Variants in ASTN2 observed in about 807,000 individuals in gnomAD.
ASTN2 encodes astrotactin 2.
Under a neutral mutation model 139.8 loss-of-function variants are expected in ASTN2, and 54 were observed. The ratio of observed to expected loss-of-function variants is 0.39; its 90% CI spans 0.31 to 0.48. The LOEUF (loss-of-function observed/expected upper bound fraction) is 0.48. Among genes scored for constraint, ASTN2 ranks in the 20% least tolerant of loss-of-function variants. ASTN2 has a pLI of 0.95. For synonymous variants in ASTN2, 756 were observed against 719.5 expected (o/e 1.05, Z -0.81); for missense variants, 1,565 against 1,725.1 (o/e 0.91, Z 1.64).
At chr9:116,823,142 G>A (rs1369470541) in intron 11 of ASTN2, among the ~76,000 whole-genome samples, 1 of 152,272 alleles carries the variant, frequency 6.6e-6, no homozygotes, top group African/African-American at 2.4e-5. Flanking sequence ...TCCAGCACTA[G>A]GAGAGAATAA....
chr9:116,478,461 C>T (rs1031264285), intron 20 of ASTN2, among the ~76,000 whole-genome samples: 3 of 152,134 alleles, frequency 2.0e-5, no homozygotes, highest in African/African-American at 7.2e-5. Context: ...CAGCTCAGGC[C>T]TCTGGTCAGC....
chr9:116,513,253 C>T (rs1253316647), intron 19 of ASTN2, among the ~76,000 whole-genome samples: 8 of 152,222 alleles, frequency 5.3e-5, no homozygotes, highest in Non-Finnish European at 8.8e-5. Flanking sequence ...TTCTCCTTCA[C>T]TTATGAAGCT....
At chr9:117,152,675 A>G (rs1267732239) in intron 3 of ASTN2, among the ~76,000 whole-genome samples, 1 of 152,136 alleles carries the variant, frequency 6.6e-6, no homozygotes, top group Non-Finnish European at 1.5e-5. Context: ...TGCCAGAAAA[A>G]ATTGTTTTTC....
chr9:116,780,843 C>A (rs910073038), intron 13 of ASTN2, among the ~76,000 whole-genome samples: 3 of 144,800 alleles, frequency 2.1e-5, no homozygotes, highest in Non-Finnish European at 4.5e-5. Context: ...ATGTCAAATT[C>A]TTTTTTTTTT....
intron 16 of ASTN2, among the ~76,000 whole-genome samples, chr9:116,670,607 T>G (rs1056331207): frequency 6.6e-6 from 1 of 152,172 alleles, no homozygotes. Flanking sequence ...CCAGGCAGTC[T>G]TACAGATGTC....
chr9:116,770,556 TCTTTCTCTATA>T lies in ASTN2; in HGVS notation c.2396+35065_2396+35075del, dbSNP rs544117459. 1.6e-4 allele frequency among the ~76,000 whole-genome samples: 24 copies of T among 152,284 alleles called. No individual in the cohort carries two copies. The East Asian group carries it at 2.3e-3, about 15-fold the overall frequency. ...GCCTGTCTGACTCCAGATCCCTGGCTCTTTCTCTATACCTTGTCACAACCTTTGAGGCTTGA... is the reference window on the plus strand; with the variant it reads ...GCCTGTCTGACTCCAGATCCCTGGCTCCTTGTCACAACCTTTGAGGCTTGA... On this transcript the variant is annotated intron_variant, in intron 13 of 22. Coordinates refer to ENST00000313400, the MANE Select transcript of ASTN2 (RefSeq NM_001365068.1).
At chr9:116,627,837 TTC>T (rs72182615) in intron 17 of ASTN2, among the ~76,000 whole-genome samples, 21,710 of 152,188 alleles carry the variant, frequency 0.14, 1,634 homozygotes, top group Middle Eastern at 0.21. Flanking sequence ...CTGTTCTAGG[TTC>T]TTTTTATGTA....
At chr9:117,246,308 T>C (rs933538405) in intron 2 of ASTN2, among the ~76,000 whole-genome samples, 2 of 152,148 alleles carry the variant, frequency 1.3e-5, no homozygotes, top group African/African-American at 2.4e-5. Context: ...CCTTCCCTCA[T>C]TTGTTGTAAT....
In ASTN2 at chr9:117,120,018, G is replaced by GTATATATATATATA. The variant is rs200361826; in HGVS notation, c.1168+21294_1168+21307dup. On this transcript the variant is annotated intron_variant, in intron 4 of 22. Transcript: ENST00000313400. Reference sequence around the variant, plus strand: ...TGTGTGTGTGTGTGTGTGTGTGTGTGTATATATATATATATATATATATAT... The same window carrying GTATATATATATATA: ...TGTGTGTGTGTGTGTGTGTGTGTGTGTATATATATATATATATATATATATATATATATATATAT... 9.8e-3 allele frequency among the ~76,000 whole-genome samples: 452 copies of GTATATATATATATA among 45,890 alleles called. 14 individuals carry two copies. Among genetic ancestry groups the GTATATATATATATA allele is most frequent in the Admixed American group, 0.027 (89 of 3,306 alleles). The allele number at this position is 45,890 out of a possible 152,430, so 30.1% of individuals were successfully genotyped here.
At chr9:117,356,291 A>G (rs778906501) in intron 1 of ASTN2, among the ~76,000 whole-genome samples, 3 of 152,222 alleles carry the variant, frequency 2.0e-5, no homozygotes, top group Non-Finnish European at 2.9e-5. Flanking sequence ...TTCCAGGGAG[A>G]TAAATATGCA....
chr9:116,668,513 T>C (rs765088382), intron 16 of ASTN2, among the ~76,000 whole-genome samples: 49 of 152,328 alleles, frequency 3.2e-4, no homozygotes, highest in Middle Eastern at 3.4e-3. Flanking sequence ...CTTACTAATA[T>C]GCATTTAAGC....
intron 16 of ASTN2, among the ~76,000 whole-genome samples, chr9:116,661,368 A>C (rs1356317753): frequency 1.3e-5 from 2 of 152,226 alleles, no homozygotes; most frequent in Non-Finnish European, 2.9e-5. Flanking sequence ...GGGAAACAGT[A>C]AAAGCTAGCT....
chr9:116,969,704 T>C (rs1227244742), intron 10 of ASTN2, among the ~76,000 whole-genome samples: 1 of 152,194 alleles, frequency 6.6e-6, no homozygotes, highest in Non-Finnish European at 1.5e-5. Context: ...TGTTTTCTAC[T>C]TAAGACTAAG....
chr9:116,507,200 A>C (rs1271079495), intron 19 of ASTN2, among the ~76,000 whole-genome samples: 1 of 152,222 alleles, frequency 6.6e-6, no homozygotes, highest in East Asian at 1.9e-4. Flanking sequence ...AATAGTGAGC[A>C]ACAGTTTTGA....
intron 3 of ASTN2, among the ~76,000 whole-genome samples, chr9:117,161,503 C>T (rs1441903043): frequency 6.6e-6 from 1 of 152,050 alleles, no homozygotes; most frequent in East Asian, 1.9e-4. Flanking sequence ...AAGCAATTCT[C>T]CTGCCTCAGC....
intron 12 of ASTN2, among the ~76,000 whole-genome samples, chr9:116,818,483 C>G (rs1302613873): frequency 6.6e-6 from 1 of 152,062 alleles, no homozygotes; most frequent in African/African-American, 2.4e-5. Context: ...TTTTAGGATG[C>G]CTGGGTTTTG....
intron 19 of ASTN2, among the ~76,000 whole-genome samples, chr9:116,567,172 C>T (rs925156114): frequency 1.3e-5 from 2 of 152,216 alleles, no homozygotes; most frequent in African/African-American, 4.8e-5. Context: ...AGTGCCGATT[C>T]ATAGCACTGG....
intron 2 of ASTN2, among the ~76,000 whole-genome samples, chr9:117,234,922 T>C (rs1833000868): frequency 6.6e-6 from 1 of 152,222 alleles, no homozygotes; most frequent in Non-Finnish European, 1.5e-5. Context: ...AATCGGTGTC[T>C]GCTGTTTTAG....
chr9:116,790,970 A>AAGAAAGAAG (rs1830521487), intron 13 of ASTN2, among the ~76,000 whole-genome samples: 588 of 26,018 alleles, frequency 0.023, 2 homozygotes, highest in Middle Eastern at 0.042. Flanking sequence ...AAAGAAGGAA[A>AAGAAAGAAG]GAAAGAAAGA....
Sources: allele counts gnomAD v4.1 joint callset (sites outside exome capture counted in the v4.1 genomes callset), GRCh38; gene constraint gnomAD v4.1.1; transcripts MANE v1.5; gene names NCBI Gene and HGNC (gene_info 2026-07-23, HGNC 2026-07-21).